RAP1GAP2: variants seen among roughly 807,000 people sequenced by gnomAD.
RAP1GAP2 encodes rap1 GTPase-activating protein 2.
In RAP1GAP2, 27 loss-of-function variants were observed where a neutral mutation model predicts 95.0. The observed-to-expected ratio is 0.28, with a 90% confidence interval of 0.21 to 0.39. The LOEUF is 0.39. Among genes scored for constraint, RAP1GAP2 ranks in the 10% least tolerant of loss-of-function variants. The probability of loss-of-function intolerance (pLI) is 1.00; values close to 1 mark genes in which losing one functional copy is unlikely to be tolerated. For missense variants in RAP1GAP2, 771 were observed against 970.0 expected, an observed-to-expected ratio of 0.79 and a Z score of 2.72; for synonymous variants, 373 against 380.9, an observed-to-expected ratio of 0.98 and a Z score of 0.24.
chr17:2,899,380 A>G (rs1387519282), intron 2 of RAP1GAP2, among the ~76,000 whole-genome samples: 1 of 150,252 alleles, frequency 6.7e-6, no homozygotes, highest in Non-Finnish European at 1.5e-5. Context: ...CTAATTTTTT[A>G]AATATTTTTT....
rs568113183 is a variant in RAP1GAP2, at chr17:2,812,863, C to T, written c.80+12313C>T. 4.9e-3 allele frequency among the ~76,000 whole-genome samples: 738 copies of T among 151,600 alleles called. 6 individuals carry two copies. The highest frequency in any genetic ancestry group is 6.8e-3 in the Middle Eastern group (2 of 294). ...AAACTAGCCAGGCGTGGTGGTGGTT[C>T]CCTGTAATCCTAGCTACTCAGGAGG... On this transcript the variant is annotated intron_variant, in intron 2 of 24. Transcript: ENST00000254695.
chr17:2,940,474 G>A (rs1053451633), intron 3 of RAP1GAP2, among the ~76,000 whole-genome samples: 2 of 152,246 alleles, frequency 1.3e-5, no homozygotes, highest in Non-Finnish European at 2.9e-5. Context: ...GCGAGAGGGG[G>A]AGGGACTCCT....
intron 2 of RAP1GAP2, among the ~76,000 whole-genome samples, chr17:2,886,468 C>T (rs560641929): frequency 3.9e-5 from 6 of 151,912 alleles, no homozygotes; most frequent in East Asian, 3.9e-4. Flanking sequence ...CCACCGTGCC[C>T]GGCCATATGT....
chr17:3,007,280 G>A lies in RAP1GAP2; in HGVS notation c.1360-731G>A, dbSNP rs139996871. On this transcript the variant is annotated intron_variant, in intron 16 of 24. Transcript: ENST00000254695. ...GCTTAGGCAGGAGAGTGAGGGGCTC[G>A]ATGTGTATGCCAGAGGGATTGCTCT... Among the ~76,000 whole-genome samples the A allele has an allele frequency of 1.1e-4, 17 of 152,256 alleles. No individual in the cohort carries two copies. The East Asian group carries it at 1.2e-3, about 10-fold the overall frequency.
At position 3,030,998 on chromosome 17, in the gene RAP1GAP2, G is replaced by T; in HGVS notation, c.2184G>T (p.Ala728=). ...AGCTCAGCCATGCCAGCTCTGGTGC[G>T]GTAAGGATGCGCCTCCCACACCCCA... ...FDKLSHASSG[A]GH Residue 728 remains alanine (A), a splice_region_variant and synonymous_variant, in exon 23 of 25, where the codon GCG becomes GCT. Coordinates refer to ENST00000254695, the MANE Select transcript of RAP1GAP2 (RefSeq NM_015085.5). The T allele has an allele frequency of 6.2e-7, 1 of 1,601,602 alleles. No individual in the cohort carries two copies. The highest frequency in any genetic ancestry group is 8.5e-7 in the Non-Finnish European group (1 of 1,173,534).
At chr17:3,021,670 A>G (rs1377588305) in intron 19 of RAP1GAP2, among the ~76,000 whole-genome samples, 3 of 152,094 alleles carry the variant, frequency 2.0e-5, no homozygotes, top group Admixed American at 2.0e-4. Flanking sequence ...CCTGACCTCA[A>G]GTGATCCACC....
At chr17:2,821,991 A>T (rs1030002737) in intron 2 of RAP1GAP2, among the ~76,000 whole-genome samples, 5 of 152,140 alleles carry the variant, frequency 3.3e-5, no homozygotes, top group Admixed American at 2.6e-4. Flanking sequence ...TCTGAACCGC[A>T]TAAAGCCAGT....
chr17:3,029,969 G>C lies in RAP1GAP2; in HGVS notation c.2108-953G>C, dbSNP rs2151671198. On this transcript the variant is annotated intron_variant, in intron 22 of 24. Transcript: ENST00000254695. This position sits in a 1 kb window ranked among gnomAD's most constrained non-coding sequence, Gnocchi z 4.4. ...CTGTAGCCAACTTAAGGCTGCAGGA[G>C]ATGAATGTGTGTAATTCTGACATGA... Among the ~76,000 whole-genome samples, 1 of 151,622 alleles carries C rather than the reference G, an allele frequency of 6.6e-6. No individual in the cohort carries two copies. Among genetic ancestry groups the C allele is most frequent in the East Asian group, 1.9e-4 (1 of 5,170 alleles).
chr17:3,035,012 T>A lies in RAP1GAP2; in HGVS notation c.*1651T>A, dbSNP rs2047434495. 1 of 150,382 alleles carries A rather than the reference T, an allele frequency of 6.6e-6. No homozygotes were observed. The highest frequency in any genetic ancestry group is 6.6e-5 in the Admixed American group (1 of 15,116). 9.3% of individuals were successfully genotyped at this position (150,382 alleles called of 1,614,324 possible). On this transcript the variant is annotated 3_prime_UTR_variant, in exon 25 of 25. Transcript: ENST00000254695. The surrounding 1 kb of genome is among the most constrained non-coding windows in gnomAD (Gnocchi z 4.3). ...TTTTTTTTAACTGACATTGTGAAATTCTCCCTATAGCTTTTGCCATTCAAG... is the reference window on the plus strand; with the variant it reads ...TTTTTTTTAACTGACATTGTGAAATACTCCCTATAGCTTTTGCCATTCAAG...
At chr17:2,848,752 G>A (rs1372512042) in intron 2 of RAP1GAP2, among the ~76,000 whole-genome samples, 2 of 152,158 alleles carry the variant, frequency 1.3e-5, no homozygotes, top group Non-Finnish European at 2.9e-5. Context: ...GGCCTCAAGT[G>A]ATTCGCCTGC....
intron 14 of RAP1GAP2, 22 bp downstream of exon 14, chr17:2,998,398 A>C (rs1567875382): frequency 6.2e-7 from 1 of 1,611,966 alleles, no homozygotes; most frequent in South Asian, 1.1e-5. Flanking sequence ...GCCTTGTTGG[A>C]GGGAGTGGTG....
At chr17:2,798,022 A>G (rs1006102010) in intron 1 of RAP1GAP2, among the ~76,000 whole-genome samples, 1 of 152,206 alleles carries the variant, frequency 6.6e-6, no homozygotes, top group Non-Finnish European at 1.5e-5. Context: ...TGAGACCCAC[A>G]GCTCCAGAGC....
intron 2 of RAP1GAP2, among the ~76,000 whole-genome samples, chr17:2,812,485 A>C (rs1597356475): frequency 6.6e-6 from 1 of 151,904 alleles, no homozygotes; most frequent in African/African-American, 2.4e-5. Flanking sequence ...CTTCCCTATT[A>C]CTAGACGCTG....
At chr17:2,895,519 A>G (rs2041789468) in intron 2 of RAP1GAP2, among the ~76,000 whole-genome samples, 1 of 152,056 alleles carries the variant, frequency 6.6e-6, no homozygotes, top group Admixed American at 6.6e-5. Context: ...GAGAGTGTAC[A>G]TGGATCACTT....
upstream of RAP1GAP2, among the ~76,000 whole-genome samples, chr17:2,792,112 G>A (rs1421718637): frequency 1.3e-5 from 2 of 152,020 alleles, no homozygotes; most frequent in African/African-American, 2.4e-5. Context: ...CGCTTGCCTC[G>A]GCTTCCCAAA....
intron 1 of RAP1GAP2, among the ~76,000 whole-genome samples, chr17:2,781,736 GTC>G (rs1164039758): frequency 2.8e-5 from 4 of 141,790 alleles, no homozygotes; most frequent in South Asian, 2.3e-4. Flanking sequence ...GTGTGTGCAC[GTC>G]TCTGTGTGAG....
intron 3 of RAP1GAP2, among the ~76,000 whole-genome samples, chr17:2,909,654 C>G (rs939078633): frequency 6.6e-6 from 1 of 152,230 alleles, no homozygotes; most frequent in African/African-American, 2.4e-5. Flanking sequence ...AGAGCAGCCT[C>G]AGGGAAAGCT....
chr17:2,932,118 A>G (rs559523931), intron 3 of RAP1GAP2, among the ~76,000 whole-genome samples: 83 of 152,302 alleles, frequency 5.4e-4, no homozygotes, highest in African/African-American at 1.9e-3. Context: ...GTTAACAGGA[A>G]GAGCCCAGAT....
chr17:3,007,715 C>G (rs1374321536), intron 16 of RAP1GAP2, among the ~76,000 whole-genome samples: 2 of 152,110 alleles, frequency 1.3e-5, no homozygotes, highest in Non-Finnish European at 2.9e-5. Context: ...GGGCAGAGGG[C>G]CGGGCTGGGA....
Sources: allele counts gnomAD v4.1 joint callset (sites outside exome capture counted in the v4.1 genomes callset), GRCh38; gene constraint gnomAD v4.1.1; non-coding constraint Gnocchi (gnomAD v3.1); transcripts MANE v1.5; gene names NCBI Gene and HGNC (gene_info 2026-07-23, HGNC 2026-07-21).